The following LIMS1 variants were observed in gnomAD, a reference collection of about 807,000 sequenced individuals.
LIMS1 encodes LIM and senescent cell antigen-like-containing domain protein 1.
LIMS1 carries 18 observed loss-of-function variants against 44.1 expected under a neutral mutation model. That is an observed-to-expected ratio of 0.41 (90% CI 0.28 to 0.61). The LOEUF (loss-of-function observed/expected upper bound fraction) is 0.61. Ranked by LOEUF, LIMS1 falls within the 20% of genes least tolerant of loss-of-function variation. LIMS1 has a pLI of 0.32. For synonymous variants in LIMS1, 93 were observed against 149.1 expected (o/e 0.62, Z 2.74); for missense variants, 201 against 422.0 (o/e 0.48, Z 4.59).
intron 1 of LIMS1, among the ~76,000 whole-genome samples, chr2:108,534,981 A>T (rs1009103639): frequency 1.2e-4 from 18 of 152,360 alleles, no homozygotes; most frequent in African/African-American, 3.6e-4. Flanking sequence ...CTATCTCCAT[A>T]GACTGTACTA....
intron 1 of LIMS1, among the ~76,000 whole-genome samples, chr2:108,633,019 C>T (rs1392590875): frequency 6.6e-6 from 1 of 152,174 alleles, no homozygotes; most frequent in Non-Finnish European, 1.5e-5. Flanking sequence ...TTGTCCCCTT[C>T]CCCCTCCACT....
intron 1 of LIMS1, among the ~76,000 whole-genome samples, chr2:108,613,437 C>T (rs1362982230): frequency 6.6e-6 from 1 of 152,140 alleles, no homozygotes; most frequent in Non-Finnish European, 1.5e-5. Flanking sequence ...GAAACGTTAG[C>T]AGTGTGGGTG....
chr2:108,639,416 C>T (rs796606899), intron 1 of LIMS1, among the ~76,000 whole-genome samples: 14 of 152,320 alleles, frequency 9.2e-5, no homozygotes, highest in African/African-American at 3.4e-4. Context: ...AACAACCCTG[C>T]ATTTATTTAA....
rs1558839290 is a variant in LIMS1, at chr2:108,670,772, C to G, written c.193-9C>G. 2 of 1,611,926 alleles carry G rather than the reference C, an allele frequency of 1.2e-6. No individual in the cohort carries two copies. Among genetic ancestry groups the G allele is most frequent in the South Asian group, 1.1e-5 (1 of 90,980 alleles). On this transcript the variant is annotated splice_polypyrimidine_tract_variant and intron_variant, in intron 2 of 9. Transcript: ENST00000544547. ...CGTGTTTGTAAGTTGGTGGTACCCT[C>G]TCTTTCAGTTTGAAGGAAGAAAGTA...
At chr2:108,637,096 T>C (rs1317667430) in intron 1 of LIMS1, among the ~76,000 whole-genome samples, 2 of 89,452 alleles carry the variant, frequency 2.2e-5, no homozygotes, top group Admixed American at 3.4e-4. Flanking sequence ...AAAATATACA[T>C]ATATGTGTGT....
intron 2 of LIMS1, among the ~76,000 whole-genome samples, chr2:108,661,380 T>A (rs1691358215): frequency 6.6e-6 from 1 of 151,718 alleles, no homozygotes; most frequent in African/African-American, 2.4e-5. Context: ...CCAAACATGC[T>A]CTATGTATCT....
At chr2:108,586,212 AAAAC>A (rs939948613) in intron 1 of LIMS1, among the ~76,000 whole-genome samples, 4 of 152,172 alleles carry the variant, frequency 2.6e-5, no homozygotes, top group African/African-American at 4.8e-5. Flanking sequence ...AAAAAACAAA[AAAAC>A]AAACAAAAAA....
At chr2:108,555,609 T>G (rs572766368) in intron 1 of LIMS1, among the ~76,000 whole-genome samples, 1 of 152,370 alleles carries the variant, frequency 6.6e-6, no homozygotes, top group East Asian at 1.9e-4. Context: ...TCTCAGGTGC[T>G]CCTAGGCTTT....
At chr2:108,554,903 C>G (rs372579063) in intron 1 of LIMS1, among the ~76,000 whole-genome samples, 115 of 152,320 alleles carry the variant, frequency 7.5e-4, no homozygotes, top group African/African-American at 2.6e-3. Flanking sequence ...TGGGCCCTAT[C>G]TATCTCAGAC....
chr2:108,646,450 G>A (rs1028588028), intron 1 of LIMS1, among the ~76,000 whole-genome samples: 1 of 152,056 alleles, frequency 6.6e-6, no homozygotes, highest in East Asian at 1.9e-4. Flanking sequence ...AAGACACAAC[G>A]TACCAGAATC....
intron 1 of LIMS1, among the ~76,000 whole-genome samples, chr2:108,580,806 G>T (rs1685856653): frequency 6.6e-6 from 1 of 152,140 alleles, no homozygotes; most frequent in Non-Finnish European, 1.5e-5. Context: ...AGGAGAGAGA[G>T]TTTCAGGAGG....
chr2:108,544,418 T>G (rs1051494065), intron 1 of LIMS1, among the ~76,000 whole-genome samples: 1 of 152,210 alleles, frequency 6.6e-6, no homozygotes, highest in Non-Finnish European at 1.5e-5. Context: ...TTTTTTATTA[T>G]GGAGGATTTC....
rs550902005 is a variant in LIMS1 at position 108,643,454 on chromosome 2, G to A, written c.33-16151G>A. Among the ~76,000 whole-genome samples, 3 of 152,292 alleles carry A rather than the reference G, an allele frequency of 2.0e-5. No individual in the cohort carries two copies. In the South Asian group the frequency reaches 6.2e-4, roughly 32 times the overall value. Reference sequence around the variant, plus strand: ...ATTAGGGACTGTACCATGCACCCCGGCCCAGATGTTGCACTTTTCCCACGG... The same window carrying A: ...ATTAGGGACTGTACCATGCACCCCGACCCAGATGTTGCACTTTTCCCACGG... On this transcript the variant is annotated intron_variant, in intron 1 of 9. Coordinates refer to ENST00000544547, the Ensembl canonical transcript of LIMS1.
intron 2 of LIMS1, among the ~76,000 whole-genome samples, chr2:108,665,406 A>G (rs1430234268): frequency 6.6e-6 from 1 of 152,206 alleles, no homozygotes; most frequent in East Asian, 1.9e-4. Flanking sequence ...ACCATATACC[A>G]TGGTAGTATA....
chr2:108,535,551 T>G (rs933195071), intron 1 of LIMS1, among the ~76,000 whole-genome samples: 3 of 152,268 alleles, frequency 2.0e-5, no homozygotes, highest in Admixed American at 2.0e-4. Context: ...ATTTGTCGTT[T>G]GGAAGATATT....
chr2:108,551,610 A>C (rs1199047516), intron 1 of LIMS1, among the ~76,000 whole-genome samples: 1 of 141,940 alleles, frequency 7.0e-6, no homozygotes, highest in Non-Finnish European at 1.5e-5. Context: ...ATATATATGT[A>C]TATATATGTA....
At chr2:108,667,180 C>T (rs376558186) in intron 2 of LIMS1, among the ~76,000 whole-genome samples, 1 of 152,104 alleles carries the variant, frequency 6.6e-6, no homozygotes, top group East Asian at 1.9e-4. Flanking sequence ...TCAGGAGGCA[C>T]CTCATTAACA....
At chr2:108,536,850 C>T (rs1436283257) in intron 1 of LIMS1, among the ~76,000 whole-genome samples, 1 of 152,150 alleles carries the variant, frequency 6.6e-6, no homozygotes, top group Non-Finnish European at 1.5e-5. Flanking sequence ...CTCAGCCTCC[C>T]AAAGTGCTGG....
chr2:108,686,584 A>G (rs1049645706), exon 10 of LIMS1: 1 of 151,592 alleles, frequency 6.6e-6, no homozygotes, highest in Non-Finnish European at 1.5e-5. Flanking sequence ...ATCCTGGCTA[A>G]CAAGGTGAAA....
Sources: gnomAD v4.1 joint callset for allele counts (sites outside exome capture counted in the v4.1 genomes callset) on GRCh38, gnomAD v4.1.1 for gene constraint, MANE v1.5 for transcripts, NCBI Gene and HGNC (gene_info 2026-07-23, HGNC 2026-07-21) for gene names.